MRPL52: variants seen among roughly 807,000 people sequenced by gnomAD.
The protein encoded by MRPL52 is large ribosomal subunit protein mL52.
MRPL52 carries 19 observed loss-of-function variants against 22.1 expected under a neutral mutation model. The observed-to-expected ratio is 0.86, with a 90% CI of 0.60 to 1.26. The LOEUF is 1.26. Among genes scored for constraint, MRPL52 ranks in the 50% most tolerant of loss-of-function variants. The pLI, the probability that MRPL52 is intolerant of heterozygous loss-of-function variation, is 0.00. For synonymous variants in MRPL52, 50 were observed against 57.5 expected (o/e 0.87, Z 0.59); for missense variants, 152 against 148.1 (o/e 1.03, Z -0.14).
chr14:22,831,049 G>C (rs1046555410), intron 3 of MRPL52: 18 of 1,444,264 alleles, frequency 1.2e-5, no homozygotes, highest in Middle Eastern at 1.8e-4. Context: ...TAAGAAGCCT[G>C]GCATCTCCTT....
intron 4 of MRPL52, among the ~76,000 whole-genome samples, chr14:22,833,698 C>T (rs1056914401): frequency 6.6e-6 from 1 of 152,176 alleles, no homozygotes; most frequent in Non-Finnish European, 1.5e-5. Context: ...TATCTCAGCT[C>T]ACTTCAACCT....
chr14:22,834,252 A>G lies in MRPL52; in HGVS notation c.300A>G (p.Glu100=). Residue 100 remains glutamate (E), a synonymous_variant, in exon 5 of 5, where the codon GAA becomes GAG. Coordinates refer to ENST00000397496, the MANE Select transcript of MRPL52 (RefSeq NM_180982.3). ...WQLRQQKLQE[E]QRKQENALKP... ...TCAGGCAGCAGAAGTTGCAGGAAGA[A>G]CAAAGGAAGCAGGAAAATGCTCTTA... The G allele has an allele frequency of 6.2e-7, 1 of 1,614,226 alleles. No individual in the cohort carries two copies. Among genetic ancestry groups the G allele is most frequent in the Non-Finnish European group, 8.5e-7 (1 of 1,180,036 alleles).
intron 3 of MRPL52, chr14:22,830,697 T>A: frequency 2.5e-6 from 1 of 403,246 alleles, no homozygotes; most frequent in South Asian, 4.1e-5. Context: ...CAGGCTCCCT[T>A]CAGAAAATTC....
rs1236265391 is a variant in MRPL52 at position 22,830,179 on chromosome 14, C to G, written c.87-8C>G. 1.2e-6 allele frequency: 2 copies of G among 1,614,098 alleles called. No homozygotes were observed. Among genetic ancestry groups the G allele is most frequent in the African/African-American group, 1.3e-5 (1 of 74,936 alleles). The stretch of plus-strand genomic sequence containing the variant: ...TAGGTCCTCACAGATCTGTTTTTCT[C>G]CACACAGGCAGGGACTGGCTGCCAA... On this transcript the variant is annotated splice_polypyrimidine_tract_variant and splice_region_variant and intron_variant, in intron 2 of 4. Transcript: ENST00000397496.
Position 22,834,303 on chromosome 14 carries a change from C to T in MRPL52, c.351C>T (p.Ser117=). The change falls in exon 5 of 5, where the codon AGC becomes AGT. Residue 117 remains serine (S), a synonymous_variant. Transcript: ENST00000397496. ...AACCCAAAGGGGCTTCACTGAAGAG[C>T]CCACTTCCAAGTCAATAAAAAGCAA... ...ALKPKGASLK[S]PLPSQ 6.2e-7 allele frequency: 1 copy of T among 1,612,628 alleles called. No individual in the cohort carries two copies. The highest frequency in any genetic ancestry group is 1.1e-5 in the South Asian group (1 of 90,790).
At chr14:22,830,622 GAGCTCTTTGAAA>G in intron 3 of MRPL52, 1 of 387,748 alleles carries the variant, frequency 2.6e-6, no homozygotes, top group Non-Finnish European at 4.7e-6. Flanking sequence ...AATGCAGGGA[GAGCTCTTTGAAA>G]AGCTGCAGAA....
At chr14:22,831,073 C>A in intron 3 of MRPL52, 1 of 570,466 alleles carries the variant, frequency 1.8e-6, no homozygotes, top group Non-Finnish European at 3.0e-6. Context: ...GTAGTATGGA[C>A]TATTGGAAAG....
intron 3 of MRPL52, chr14:22,831,433 C>A (rs192916584): frequency 1.7e-3 from 263 of 157,860 alleles, no homozygotes; most frequent in Admixed American, 4.1e-3. Context: ...TATTCTTAAT[C>A]CAGGCTTCCC....
rs1001458828 is a variant in MRPL52, at chr14:22,835,029, T to C, written c.*708T>C. ...AGCTGGCATCTAATAAATGTTTTCA[T>C]GAAAAAGATTTTCTAGCCAAGGTCC... On this transcript the variant is annotated 3_prime_UTR_variant, in exon 5 of 5. Coordinates refer to ENST00000397496, the MANE Select transcript of MRPL52 (RefSeq NM_180982.3). 6.6e-5 allele frequency: 10 copies of C among 152,306 alleles called. No individual in the cohort carries two copies. Among genetic ancestry groups the C allele is most frequent in the African/African-American group, 2.4e-4 (10 of 41,550 alleles). The allele number at this position is 152,306 out of a possible 1,614,324, so 9.4% of individuals were successfully genotyped here.
chr14:22,833,536 T>A, intron 4 of MRPL52, 54 bp downstream of exon 4: 2 of 1,360,628 alleles, frequency 1.5e-6, no homozygotes, highest in Non-Finnish European at 2.1e-6. Context: ...ATTTAAATCA[T>A]AATTTGTCTT....
At chr14:22,833,212 T>C (rs1413311570) in intron 3 of MRPL52, 2 of 508,672 alleles carry the variant, frequency 3.9e-6, no homozygotes, top group African/African-American at 3.9e-5. Context: ...TGAAATAGAG[T>C]AGTAATATGT....
chr14:22,831,653 T>G (rs1330716189), intron 3 of MRPL52: 3 of 152,254 alleles, frequency 2.0e-5, no homozygotes, highest in Admixed American at 6.5e-5. Flanking sequence ...GGGCAGAGTT[T>G]TCACTCTGTT....
Position 22,834,415 on chromosome 14 carries a change from C to T in MRPL52, c.*94C>T. ...CAGCCAGAAGATAGCCTTCACGTTC[C>T]CCATCTGTCTTCAGAGAAAAAGAGC... On this transcript the variant is annotated 3_prime_UTR_variant, in exon 5 of 5. Transcript: ENST00000397496. 7.2e-7 allele frequency: 1 copy of T among 1,388,530 alleles called. No individual in the cohort carries two copies. The highest frequency in any genetic ancestry group is 9.6e-7 in the Non-Finnish European group (1 of 1,036,292). 86.0% of individuals were successfully genotyped at this position (1,388,530 alleles called of 1,614,324 possible).
At chr14:22,832,982 A>G (rs1209237172) in intron 3 of MRPL52, among the ~76,000 whole-genome samples, 6 of 152,052 alleles carry the variant, frequency 3.9e-5, no homozygotes, top group African/African-American at 1.4e-4. Context: ...GATCGAGACT[A>G]TCCTGGCCAA....
Position 22,829,887 on chromosome 14 carries a change from G to A in MRPL52, c.-26G>A, listed in dbSNP as rs1399635670. ...GGCCACCGAGGCCACGCCTACTTCCGGCTACCCCGGCTACTCCTGCTCAGC... is the reference window on the plus strand; with the variant it reads ...GGCCACCGAGGCCACGCCTACTTCCAGCTACCCCGGCTACTCCTGCTCAGC... On this transcript the variant is annotated 5_prime_UTR_variant, in exon 1 of 5. Coordinates refer to ENST00000397496, the MANE Select transcript of MRPL52 (RefSeq NM_180982.3). 1 of 1,437,142 alleles carries A rather than the reference G, an allele frequency of 7.0e-7. No homozygotes were observed. Among genetic ancestry groups the A allele is most frequent in the Admixed American group, 2.1e-5 (1 of 48,444 alleles). The allele number at this position is 1,437,142 out of a possible 1,614,324, so 89.0% of individuals were successfully genotyped here.
At chr14:22,831,314 T>C in intron 3 of MRPL52, 1 of 318,106 alleles carries the variant, frequency 3.1e-6, no homozygotes, top group Non-Finnish European at 5.8e-6. Flanking sequence ...GACAGGCTCT[T>C]GCTATGTTGC....
At chr14:22,834,142 T>A (rs375457547) in intron 4 of MRPL52, 30 bp from the exon 5 acceptor site, 57 of 1,611,088 alleles carry the variant, frequency 3.5e-5, no homozygotes, top group Non-Finnish European at 4.7e-5. Flanking sequence ...GTCCCAGATG[T>A]TATCCACACT....
chr14:22,834,137 A>T, intron 4 of MRPL52, 35 bp from the exon 5 acceptor site: 2 of 1,609,728 alleles, frequency 1.2e-6, no homozygotes, highest in African/African-American at 1.3e-5. Context: ...CTGAAGTCCC[A>T]GATGTTATCC....
chr14:22,833,038 G>C (rs948079190), intron 3 of MRPL52, among the ~76,000 whole-genome samples: 2 of 150,776 alleles, frequency 1.3e-5, no homozygotes, highest in Non-Finnish European at 3.0e-5. Flanking sequence ...ATTAGCCAGG[G>C]ATGGTGGCAC....
Sources: allele counts gnomAD v4.1 joint callset (sites outside exome capture counted in the v4.1 genomes callset), GRCh38; gene constraint gnomAD v4.1.1; transcripts MANE v1.5; gene names NCBI Gene and HGNC (gene_info 2026-07-23, HGNC 2026-07-21).